APOBEC3F: variants seen among roughly 807,000 people sequenced by gnomAD.
APOBEC3F encodes apolipoprotein B mRNA editing enzyme catalytic subunit 3F.
APOBEC3F carries 34 observed loss-of-function variants against 45.8 expected under a neutral mutation model. The ratio of observed to expected loss-of-function variants is 0.74; its 90% CI spans 0.57 to 0.99. The LOEUF is 0.99. Ranked by LOEUF, APOBEC3F falls within the 50% of genes least tolerant of loss-of-function variation. The pLI is 0.00. For synonymous variants in APOBEC3F, 192 were observed against 174.4 expected (o/e 1.10, Z -0.80); for missense variants, 459 against 474.1 (o/e 0.97, Z 0.30).
intron 5 of APOBEC3F, among the ~76,000 whole-genome samples, chr22:39,050,532 C>T (rs1412326999): frequency 3.4e-5 from 5 of 145,544 alleles, no homozygotes; most frequent in Non-Finnish European, 7.5e-5. Context: ...TCCCAGTCCC[C>T]ACACGCTAAA....
In APOBEC3F at chr22:39,050,873, C is replaced by T. The variant is rs907163639; in HGVS notation, c.724-1201C>T. 6.6e-5 allele frequency among the ~76,000 whole-genome samples: 10 copies of T among 152,274 alleles called. 1 individual carries two copies. Among genetic ancestry groups the T allele is most frequent in the South Asian group, 4.1e-4 (2 of 4,826 alleles). The stretch of plus-strand genomic sequence containing the variant: ...GCAGGGGCTGAGGATGCCCGGTTAA[C>T]GGATGCCTGGGGAACAGGATGCCAG... On this transcript the variant is annotated intron_variant, in intron 5 of 6. Coordinates refer to ENST00000308521, the MANE Select transcript of APOBEC3F (RefSeq NM_145298.6).
rs531803177 is a variant in APOBEC3F, at chr22:39,045,550, T to C, written c.566+8T>C. On this transcript the variant is annotated splice_region_variant and intron_variant, in intron 4 of 6. Coordinates refer to ENST00000308521, the MANE Select transcript of APOBEC3F (RefSeq NM_145298.6). ...GCTAAAGGAGATTCTCAGGTGAGGG[T>C]CTCCCTCTGGCCTCATCGTCTGTCT... 8.1e-6 allele frequency: 13 copies of C among 1,613,694 alleles called. 1 individual carries two copies. In the South Asian group the frequency reaches 1.4e-4, roughly 18 times the overall value.
intron 1 of APOBEC3F, among the ~76,000 whole-genome samples, chr22:39,041,964 T>C (rs1340726056): frequency 6.6e-6 from 1 of 152,210 alleles, no homozygotes; most frequent in Non-Finnish European, 1.5e-5. Flanking sequence ...GAAGAGAGTC[T>C]GGTCCCCAAT....
intron 4 of APOBEC3F, among the ~76,000 whole-genome samples, chr22:39,048,113 T>C (rs1189935077): frequency 6.6e-6 from 1 of 151,976 alleles, no homozygotes; most frequent in Non-Finnish European, 1.5e-5. Flanking sequence ...TAGGAAAAAA[T>C]ATGATGATCA....
chr22:39,049,415 GTGCCT>G lies in APOBEC3F; in HGVS notation c.567-8_567-4del, dbSNP rs767965103. On this transcript the variant is annotated splice_polypyrimidine_tract_variant and splice_region_variant and intron_variant, in intron 4 of 6. Coordinates refer to ENST00000308521, the MANE Select transcript of APOBEC3F (RefSeq NM_145298.6). ...GTCTCTGCATTGGGGTTTCTCTATT[GTGCCT>G]TCAGAAACCCGATGGAGGCAATGTA... 1.9e-6 allele frequency: 3 copies of G among 1,613,514 alleles called. No homozygotes were observed. Among genetic ancestry groups the G allele is most frequent in the Non-Finnish European group, 2.5e-6 (3 of 1,179,696 alleles).
At chr22:39,045,645 T>A in intron 4 of APOBEC3F, 103 bp downstream of exon 4, 1 of 1,574,800 alleles carries the variant, frequency 6.4e-7, no homozygotes, top group Non-Finnish European at 8.6e-7. Context: ...TCCTGCCCCC[T>A]GCCTGCCCTC....
At chr22:39,041,248 G>A (rs1373767866) in intron 1 of APOBEC3F, among the ~76,000 whole-genome samples, 1 of 151,376 alleles carries the variant, frequency 6.6e-6, no homozygotes, top group African/African-American at 2.4e-5. Context: ...TGGCAGGGCT[G>A]GTGCTCCCGG....
rs75722744 is a variant in APOBEC3F, at chr22:39,055,421, CTA to C, written c.*2727_*2728del. Among the ~76,000 whole-genome samples the C allele has an allele frequency of 0.61, 90,793 of 150,034 alleles. 28,925 individuals are homozygous for C. Among genetic ancestry groups the C allele is most frequent in the African/African-American group, 0.8 (32,488 of 40,812 alleles). ...TCACTCTGTTGCCCAGGCTGGAGTG[CTA>C]AATAGCAGAATCACTGCTCACTGCA... is the stretch of plus-strand genomic sequence containing the variant. On this transcript the variant is annotated 3_prime_UTR_variant, in exon 7 of 7. Transcript: ENST00000308521.
intron 4 of APOBEC3F, among the ~76,000 whole-genome samples, chr22:39,045,762 A>G (rs1379953719): frequency 6.6e-6 from 1 of 152,108 alleles, no homozygotes; most frequent in African/African-American, 2.4e-5. Flanking sequence ...CCTCCAGAGC[A>G]ACCTCCATCC....
At chr22:39,047,225 A>T (rs1179847804) in intron 4 of APOBEC3F, among the ~76,000 whole-genome samples, 4 of 152,034 alleles carry the variant, frequency 2.6e-5, no homozygotes, top group African/African-American at 4.8e-5. Context: ...GGGGAAGCAG[A>T]CACCTGCCCC....
chr22:39,045,335 C>T, intron 3 of APOBEC3F, 93 bp from the exon 4 acceptor site: 2 of 1,605,166 alleles, frequency 1.2e-6, no homozygotes, highest in Non-Finnish European at 1.7e-6. Flanking sequence ...GCGGGGCCAG[C>T]ACTGACAGCA....
At position 39,045,466 on chromosome 22, in the gene APOBEC3F, G is replaced by A; in HGVS notation, c.490G>A (p.Gly164Ser). ...YCWENFVYSE[G>S]QPFMPWYKFD... ...CTGGGAAAACTTTGTGTACAGTGAA[G>A]GTCAGCCATTCATGCCTTGGTACAA... Residue 164 changes from glycine to serine, a missense_variant, in exon 4 of 7, where the codon GGT becomes AGT. Physicochemically the swap from Gly to Ser is moderately conservative, Grantham distance 56. Transcript: ENST00000308521. 6.2e-7 allele frequency: 1 copy of A among 1,614,138 alleles called. No homozygotes were observed. The highest frequency in any genetic ancestry group is 8.5e-7 in the Non-Finnish European group (1 of 1,180,006).
Position 39,053,740 on chromosome 22 carries a change from T to C in APOBEC3F, c.*1045T>C, listed in dbSNP as rs1927604454. 1 of 152,224 alleles carries C rather than the reference T, an allele frequency of 6.6e-6. No individual in the cohort carries two copies. The highest frequency in any genetic ancestry group is 1.5e-5 in the Non-Finnish European group (1 of 68,042). 9.4% of individuals were successfully genotyped at this position (152,224 alleles called of 1,614,324 possible). The stretch of plus-strand genomic sequence containing the variant: ...TTCATCCTACAAATTGGGTCATTCA[T>C]GTCCTACGCAGCTAAAACAGAGCCC... On this transcript the variant is annotated 3_prime_UTR_variant, in exon 7 of 7. Transcript: ENST00000308521.
chr22:39,045,690 C>T (rs1483267811), intron 4 of APOBEC3F, 148 bp downstream of exon 4: 2 of 1,423,898 alleles, frequency 1.4e-6, no homozygotes, highest in Non-Finnish European at 1.9e-6. Context: ...CCTTGTGCTC[C>T]TTCCCCTTCT....
intron 2 of APOBEC3F, chr22:39,044,388 G>C: frequency 2.2e-6 from 3 of 1,382,234 alleles, no homozygotes; most frequent in Non-Finnish European, 2.8e-6. Flanking sequence ...GACTGAGATG[G>C]GGACATTTAC....
At chr22:39,049,327 A>G in intron 4 of APOBEC3F, 98 bp from the exon 5 acceptor site, 1 of 1,368,790 alleles carries the variant, frequency 7.3e-7, no homozygotes, top group Non-Finnish European at 1.0e-6. Flanking sequence ...AAAGCAGCAG[A>G]CATTCCCAGG....
intron 2 of APOBEC3F, chr22:39,043,966 A>G: frequency 7.3e-7 from 1 of 1,378,904 alleles, no homozygotes; most frequent in Non-Finnish European, 9.6e-7. Flanking sequence ...CAGAGGTTGT[A>G]GTGAGCCGAG....
chr22:39,052,148 C>T lies in APOBEC3F; in HGVS notation c.798C>T (p.Asn266=), dbSNP rs751032662. 2.7e-5 allele frequency: 44 copies of T among 1,613,904 alleles called. No homozygotes were observed. The Middle Eastern group carries it at 2.5e-3, about 91-fold the overall frequency. ...TCTGTGACGACATACTGTCTCCTAA[C>T]ACAAACTACGAGGTCACCTGGTACA... ...SWFCDDILSP[N]TNYEVTWYTS... The change falls in exon 6 of 7, where the codon AAC becomes AAT. Residue 266 remains asparagine (N), a synonymous_variant. Coordinates refer to ENST00000308521, the MANE Select transcript of APOBEC3F (RefSeq NM_145298.6).
rs1401706227 is a variant in APOBEC3F, at chr22:39,052,284, A to C, written c.934A>C (p.Thr312Pro). 1 of 1,614,188 alleles carries C rather than the reference A, an allele frequency of 6.2e-7. No individual in the cohort carries two copies. Among genetic ancestry groups the C allele is most frequent in the East Asian group, 2.2e-5 (1 of 44,884 alleles). The change falls in exon 6 of 7, where the codon ACA becomes CCA. Residue 312 changes from threonine (T) to proline (P), a missense_variant. Coordinates refer to ENST00000308521, the MANE Select transcript of APOBEC3F (RefSeq NM_145298.6). The stretch of plus-strand genomic sequence containing the variant: ...CGCCCGCCTCTACTACTTCTGGGAT[A>C]CAGATTACCAGGAGGGGCTCCGCAG... ...FTARLYYFWDTDYQEGLRSLS... is the reference protein window; with the variant it reads ...FTARLYYFWDPDYQEGLRSLS...
Sources: gnomAD v4.1 joint callset for allele counts (sites outside exome capture counted in the v4.1 genomes callset) on GRCh38, gnomAD v4.1.1 for gene constraint, MANE v1.5 for transcripts, NCBI Gene and HGNC (gene_info 2026-07-23, HGNC 2026-07-21) for gene names.